LIPA: variants seen among roughly 807,000 people sequenced by gnomAD.
LIPA encodes lipase A, lysosomal acid type.
Under a neutral mutation model 40.6 loss-of-function variants are expected in LIPA, and 26 were observed. The observed-to-expected ratio is 0.64, with a 90% CI of 0.47 to 0.89. LIPA has a LOEUF of 0.89. Ranked by LOEUF, LIPA falls within the 40% of genes least tolerant of loss-of-function variation. The pLI, the probability that LIPA is intolerant of heterozygous loss-of-function variation, is 0.00. For missense variants in LIPA, 455 were observed against 479.6 expected, an observed-to-expected ratio of 0.95 and a Z score of 0.48; for synonymous variants, 188 against 168.4, an observed-to-expected ratio of 1.12 and a Z score of -0.90.
At chr10:89,263,877 C>G (rs1297851615) in intron 1 of LIPA, among the ~76,000 whole-genome samples, 1 of 152,240 alleles carries the variant, frequency 6.6e-6, no homozygotes, top group Admixed American at 6.5e-5. Context: ...AAGCCAGCTG[C>G]TCTGGTGGGG....
At chr10:89,396,730 T>A (rs1844349932) in intron 2 of LIPA, among the ~76,000 whole-genome samples, 1 of 152,228 alleles carries the variant, frequency 6.6e-6, no homozygotes, top group Non-Finnish European at 1.5e-5. Context: ...TGTCAATACT[T>A]GTTCACCTAT....
chr10:89,408,001 G>A (rs1157863039), intron 2 of LIPA, among the ~76,000 whole-genome samples: 1 of 151,852 alleles, frequency 6.6e-6, no homozygotes, highest in African/African-American at 2.4e-5. Flanking sequence ...TGCTGCATCA[G>A]TGAGTGCAAC....
intron 1 of LIPA, among the ~76,000 whole-genome samples, chr10:89,342,297 GACTTCC>G (rs1394007505): frequency 6.6e-6 from 1 of 152,204 alleles, no homozygotes; most frequent in East Asian, 1.9e-4. Context: ...AGAGAGCACA[GACTTCC>G]ACTCTTAACT....
intron 2 of LIPA, among the ~76,000 whole-genome samples, chr10:89,351,982 C>T (rs774109928): frequency 2.0e-5 from 3 of 152,166 alleles, no homozygotes; most frequent in East Asian, 1.9e-4. Context: ...CTCTTGGCCA[C>T]GGGGACCCCA....
intron 2 of LIPA, among the ~76,000 whole-genome samples, chr10:89,364,095 A>G (rs1589622520): frequency 1.3e-5 from 2 of 152,228 alleles, no homozygotes; most frequent in Admixed American, 6.5e-5. Context: ...TCAAAAAGGC[A>G]TGACAGGAAG....
intron 1 of LIPA, among the ~76,000 whole-genome samples, chr10:89,304,068 A>G (rs1263124714): frequency 1.3e-5 from 2 of 152,216 alleles, no homozygotes; most frequent in Non-Finnish European, 2.9e-5. Flanking sequence ...GTAACTTTAA[A>G]TCAGTTCCTG....
At chr10:89,248,185 G>A (rs928784090) in intron 1 of LIPA, among the ~76,000 whole-genome samples, 78 of 145,938 alleles carry the variant, frequency 5.3e-4, no homozygotes, top group East Asian at 2.4e-3. Context: ...TTTTTTTTTC[G>A]GAGTCTCGCT....
chr10:89,367,179 G>A (rs1485144208), intron 2 of LIPA, among the ~76,000 whole-genome samples: 1 of 137,812 alleles, frequency 7.3e-6, no homozygotes, highest in African/African-American at 2.6e-5. Context: ...CTGTCGTGGG[G>A]TGGGGGGAGG....
intron 1 of LIPA, chr10:89,308,636 A>G (rs572876859): frequency 1.3e-4 from 20 of 152,334 alleles, no homozygotes; most frequent in African/African-American, 4.6e-4. Context: ...ACCAAAATAG[A>G]GTCAGCTGAC....
chr10:89,244,108 T>C (rs1258733693), intron 3 of LIPA, among the ~76,000 whole-genome samples: 1 of 152,106 alleles, frequency 6.6e-6, no homozygotes, highest in East Asian at 1.9e-4. Context: ...TTATAACATA[T>C]TTATAAAAAG....
intron 1 of LIPA, among the ~76,000 whole-genome samples, chr10:89,264,777 T>A (rs112749542): frequency 6.6e-6 from 1 of 152,190 alleles, no homozygotes; most frequent in Non-Finnish European, 1.5e-5. Flanking sequence ...CTCTGGGCTG[T>A]GGACACCACC....
intron 3 of LIPA, among the ~76,000 whole-genome samples, chr10:89,236,213 C>T (rs976377039): frequency 6.6e-6 from 1 of 152,142 alleles, no homozygotes; most frequent in African/African-American, 2.4e-5. Flanking sequence ...AACATGGTGC[C>T]ATTGACAGTT....
intron 2 of LIPA, among the ~76,000 whole-genome samples, chr10:89,358,812 T>C (rs537385967): frequency 6.6e-6 from 1 of 152,244 alleles, no homozygotes; most frequent in African/African-American, 2.4e-5. Context: ...GGTTTGTTAA[T>C]GGGCACAAAA....
At chr10:89,317,670 C>T (rs1216942942) in intron 1 of LIPA, among the ~76,000 whole-genome samples, 1 of 152,204 alleles carries the variant, frequency 6.6e-6, no homozygotes, top group East Asian at 1.9e-4. Context: ...AGAACTTCCC[C>T]AACCTAGCAA....
intron 1 of LIPA, among the ~76,000 whole-genome samples, chr10:89,295,531 CT>C (rs1197731256): frequency 3.3e-5 from 5 of 152,166 alleles, no homozygotes; most frequent in Non-Finnish European, 7.4e-5. Flanking sequence ...ACTGGAATTT[CT>C]GATTCTATCA....
intron 3 of LIPA, among the ~76,000 whole-genome samples, chr10:89,244,871 A>T (rs1843005002): frequency 6.6e-6 from 1 of 152,226 alleles, no homozygotes; most frequent in Non-Finnish European, 1.5e-5. Context: ...AATATATATC[A>T]AAATCACAAA....
In LIPA at chr10:89,383,761, G is replaced by C. The variant is rs147571645; in HGVS notation, c.61+29030C>G. The C allele has an allele frequency of 3.3e-5, 53 of 1,614,076 alleles. No individual in the cohort carries two copies. In the African/African-American group the frequency reaches 6.3e-4, roughly 19 times the overall value. On this transcript the variant is annotated intron_variant, in intron 2 of 8. Transcript: ENST00000371837. ...GGACTGTGAGGAAGGATGGGCCTTG[G>C]CGAAGTGTGGTGGAAAGAATTATGA... is the stretch of plus-strand genomic sequence containing the variant.
intron 2 of LIPA, among the ~76,000 whole-genome samples, chr10:89,387,727 T>C (rs1844220404): frequency 6.6e-6 from 1 of 152,226 alleles, no homozygotes; most frequent in Admixed American, 6.5e-5. Flanking sequence ...ATCAATTAAT[T>C]GTACTGAAGG....
intron 1 of LIPA, among the ~76,000 whole-genome samples, chr10:89,325,530 C>T (rs988147977): frequency 2.0e-5 from 3 of 152,104 alleles, no homozygotes; most frequent in African/African-American, 4.8e-5. Flanking sequence ...GACTACTATG[C>T]AGCCACAAAA....
Sources: gnomAD v4.1 joint callset for allele counts (sites outside exome capture counted in the v4.1 genomes callset) on GRCh38, gnomAD v4.1.1 for gene constraint, MANE v1.5 for transcripts, NCBI Gene and HGNC (gene_info 2026-07-23, HGNC 2026-07-21) for gene names.